The following MSRB3 variants were observed in gnomAD, a reference collection of about 807,000 sequenced individuals.
The protein encoded by MSRB3 is methionine-R-sulfoxide reductase B3.
In MSRB3, 13 loss-of-function variants were observed where a neutral mutation model predicts 21.0. The observed-to-expected ratio is 0.62, with a 90% CI of 0.40 to 0.98. The LOEUF (loss-of-function observed/expected upper bound fraction) is 0.98. MSRB3 is among the 50% of genes least tolerant of loss of function. The pLI is 0.00. For synonymous variants in MSRB3, 87 were observed against 88.6 expected (o/e 0.98, Z 0.10); for missense variants, 199 against 230.3 (o/e 0.86, Z 0.88).
chr12:65,358,237 C>A (rs1456340768), intron 4 of MSRB3, among the ~76,000 whole-genome samples: 1 of 151,842 alleles, frequency 6.6e-6, no homozygotes, highest in African/African-American at 2.4e-5. Context: ...TCCACCTCAA[C>A]CCCCCGAGTA....
chr12:65,351,466 G>A (rs1876987360), intron 4 of MSRB3, among the ~76,000 whole-genome samples: 1 of 145,398 alleles, frequency 6.9e-6, no homozygotes, highest in African/African-American at 2.7e-5. Flanking sequence ...TAAAATCAGA[G>A]CAGAACTGAA....
chr12:65,414,586 G>GTA (rs758506783), intron 5 of MSRB3, among the ~76,000 whole-genome samples: 1 of 152,098 alleles, frequency 6.6e-6, no homozygotes, highest in Non-Finnish European at 1.5e-5. Context: ...TGTGTAGCAG[G>GTA]TATACCGTCT....
At chr12:65,305,476 T>G (rs1592506902) in intron 1 of MSRB3, among the ~76,000 whole-genome samples, 1 of 152,134 alleles carries the variant, frequency 6.6e-6, no homozygotes, top group East Asian at 1.9e-4. Context: ...TCATTGCCAG[T>G]TGTGTAGTGG....
At chr12:65,383,653 T>C (rs1879057397) in intron 5 of MSRB3, among the ~76,000 whole-genome samples, 1 of 132,564 alleles carries the variant, frequency 7.5e-6, no homozygotes, top group African/African-American at 2.7e-5. Flanking sequence ...GATGCATTGT[T>C]AGTAGAATTT....
intron 1 of MSRB3, chr12:65,279,171 C>T (rs554810068): frequency 1.1e-6 from 1 of 923,226 alleles, no homozygotes; most frequent in East Asian, 4.4e-5. Flanking sequence ...GCGGGAGCCT[C>T]TCGCCCCGCG....
At chr12:65,289,266 G>A (rs541021771) in intron 1 of MSRB3, among the ~76,000 whole-genome samples, 27 of 152,314 alleles carry the variant, frequency 1.8e-4, no homozygotes, top group Non-Finnish European at 3.5e-4. Flanking sequence ...AGGCTGAGGT[G>A]GGCGGATCAC....
chr12:65,278,793 C>T lies in MSRB3; in HGVS notation c.-124C>T. On this transcript the variant is annotated 5_prime_UTR_variant, in exon 1 of 7. Transcript: ENST00000308259. Reference sequence around the variant, plus strand: ...CATGAGCCCGCGGCGGACCCTCCCGCGCCCCCTCTCGCTCTGCCTCTCCCT... The same window carrying T: ...CATGAGCCCGCGGCGGACCCTCCCGTGCCCCCTCTCGCTCTGCCTCTCCCT... The T allele has an allele frequency of 6.4e-7, 1 of 1,571,150 alleles. No individual in the cohort carries two copies.
chr12:65,466,839 T>G lies in MSRB3; in HGVS notation c.*3517T>G, dbSNP rs1002944602. The stretch of plus-strand genomic sequence containing the variant: ...CACTTTTGAAAAATGACATGAATTT[T>G]CATTAAAAACCCTTTTCCTATGTTT... On this transcript the variant is annotated 3_prime_UTR_variant, in exon 7 of 7. Transcript: ENST00000308259. The G allele has an allele frequency of 1.3e-5, 2 of 152,232 alleles. No individual in the cohort carries two copies. The highest frequency in any genetic ancestry group is 4.8e-5 in the African/African-American group (2 of 41,474). 9.4% of individuals were successfully genotyped at this position (152,232 alleles called of 1,614,324 possible).
At chr12:65,396,762 C>A (rs1195002816) in intron 5 of MSRB3, among the ~76,000 whole-genome samples, 3 of 141,376 alleles carry the variant, frequency 2.1e-5, no homozygotes, top group Non-Finnish European at 3.0e-5. Context: ...GAAAACCCAG[C>A]AAAGATATGT....
At chr12:65,326,339 T>C (rs896997184) in intron 2 of MSRB3, among the ~76,000 whole-genome samples, 3 of 152,124 alleles carry the variant, frequency 2.0e-5, no homozygotes, top group African/African-American at 7.2e-5. Context: ...GGCTCAAAAA[T>C]AGGATGGTAG....
At chr12:65,395,320 G>T (rs1008474526) in intron 5 of MSRB3, among the ~76,000 whole-genome samples, 1 of 152,004 alleles carries the variant, frequency 6.6e-6, no homozygotes, top group African/African-American at 2.4e-5. Flanking sequence ...TACAAAATTA[G>T]CCGGGCATAG....
intron 5 of MSRB3, among the ~76,000 whole-genome samples, chr12:65,439,385 C>T (rs997096671): frequency 1.3e-5 from 2 of 151,478 alleles, no homozygotes; most frequent in Admixed American, 1.3e-4. Context: ...TGTAGTCAAA[C>T]TAAATAAGGA....
At chr12:65,278,939 A>AC in intron 1 of MSRB3, 74 bp downstream of exon 1, 1 of 1,436,916 alleles carries the variant, frequency 7.0e-7, no homozygotes, top group Non-Finnish European at 9.5e-7. Context: ...TTAGGGTGTG[A>AC]CCCCGAGCCG....
chr12:65,323,654 A>G (rs569921008), intron 2 of MSRB3, among the ~76,000 whole-genome samples: 1 of 152,356 alleles, frequency 6.6e-6, no homozygotes, highest in Admixed American at 6.5e-5. Flanking sequence ...AAGTGAAGAT[A>G]GTAAAGGGAA....
chr12:65,419,767 G>T, intron 5 of MSRB3: 1 of 1,059,072 alleles, frequency 9.4e-7, no homozygotes, highest in East Asian at 2.4e-5. Context: ...TTCAGGCTTT[G>T]CATGGTCTCC....
At position 65,278,712 on chromosome 12, in the gene MSRB3, G is replaced by T; in HGVS notation, c.-205G>T. 1.4e-6 allele frequency: 2 copies of T among 1,476,406 alleles called. No homozygotes were observed. The highest frequency in any genetic ancestry group is 2.8e-5 in the African/African-American group (2 of 72,184). The allele number at this position is 1,476,406 out of a possible 1,614,324, so 91.5% of individuals were successfully genotyped here. ...CTCCCGCCGCCCCGTCCGTCGCCCG[G>T]AGCCGGGGAGGGAGGGAGCGAGGTT... On this transcript the variant is annotated 5_prime_UTR_variant, in exon 1 of 7. Transcript: ENST00000308259.
chr12:65,328,529 C>T lies in MSRB3; in HGVS notation c.189C>T (p.Ala63=), dbSNP rs747156280. The T allele has an allele frequency of 6.2e-7, 1 of 1,605,652 alleles. No homozygotes were observed. The highest frequency in any genetic ancestry group is 1.1e-5 in the South Asian group (1 of 90,874). ...AAATGATCTGTTTATTTATCAGTGC[C>T]TTTGAAGGAGAATACACACATCACA... is the stretch of plus-strand genomic sequence containing the variant. ...HVTQEKGTES[A]FEGEYTHHKD... The change falls in exon 4 of 7, where the codon GCC becomes GCT. Residue 63 remains alanine, a synonymous_variant. Coordinates refer to ENST00000308259, the MANE Select transcript of MSRB3 (RefSeq NM_001031679.3).
intron 1 of MSRB3, among the ~76,000 whole-genome samples, chr12:65,297,711 T>G (rs1431265927): frequency 2.0e-5 from 3 of 152,106 alleles, no homozygotes; most frequent in African/African-American, 7.2e-5. Flanking sequence ...TCCTGTAGGT[T>G]CTAATGAGCC....
chr12:65,294,714 T>G (rs1392828946), intron 1 of MSRB3, among the ~76,000 whole-genome samples: 1 of 152,206 alleles, frequency 6.6e-6, no homozygotes. Context: ...TCATTTATAT[T>G]TTATGTTATG....
Sources: gnomAD v4.1 joint callset for allele counts (sites outside exome capture counted in the v4.1 genomes callset) on GRCh38, gnomAD v4.1.1 for gene constraint, MANE v1.5 for transcripts, NCBI Gene and HGNC (gene_info 2026-07-23, HGNC 2026-07-21) for gene names.